GRIN2D: variants seen among roughly 807,000 people sequenced by gnomAD.
GRIN2D encodes the protein glutamate ionotropic receptor NMDA type subunit 2D, also known as glutamate receptor ionotropic, NMDA 2D.
Under a neutral mutation model 103.2 loss-of-function variants are expected in GRIN2D, and 37 were observed. The ratio of observed to expected loss-of-function variants is 0.36; its 90% CI spans 0.28 to 0.47. The LOEUF is 0.47. GRIN2D is among the 20% of genes least tolerant of loss of function. The pLI, the probability that GRIN2D is intolerant of heterozygous loss-of-function variation, is 1.00. For synonymous variants in GRIN2D, 845 were observed against 885.6 expected (o/e 0.95, Z 0.81); for missense variants, 1,557 against 1,910.6 (o/e 0.81, Z 3.45).
intron 11 of GRIN2D, among the ~76,000 whole-genome samples, chr19:48,440,662 C>T (rs1374668431): frequency 6.6e-6 from 1 of 151,546 alleles, no homozygotes; most frequent in African/African-American, 2.4e-5. Flanking sequence ...TGATCATTCA[C>T]TTGCATTATT....
intron 10 of GRIN2D, among the ~76,000 whole-genome samples, chr19:48,420,995 A>C (rs1481022454): frequency 6.6e-6 from 1 of 152,186 alleles, no homozygotes; most frequent in Non-Finnish European, 1.5e-5. Context: ...TTTGAGACTA[A>C]AGTGATTAAC....
intron 4 of GRIN2D, among the ~76,000 whole-genome samples, chr19:48,406,392 A>G (rs1970792783): frequency 6.6e-6 from 1 of 152,232 alleles, no homozygotes; most frequent in Non-Finnish European, 1.5e-5. Flanking sequence ...CACGGTAGGA[A>G]GCTCTGGGAG....
At chr19:48,399,806 C>A (rs1257024238) in intron 3 of GRIN2D, among the ~76,000 whole-genome samples, 1 of 129,806 alleles carries the variant, frequency 7.7e-6, no homozygotes, top group Non-Finnish European at 1.5e-5. Context: ...AACCAGGAAG[C>A]AAGGAATTGA....
chr19:48,431,850 G>A lies in GRIN2D; in HGVS notation c.2252+9905G>A, dbSNP rs1175029703. 1.1e-4 allele frequency among the ~76,000 whole-genome samples: 16 copies of A among 152,080 alleles called. 1 individual carries two copies. Among genetic ancestry groups the A allele is most frequent in the Admixed American group, 1.0e-3 (16 of 15,250 alleles). ...TCCACCCGCCCCAGCCTCCCAAAGT[G>A]CTGGGATTATAGGTGTGTGCCACCG... is the stretch of plus-strand genomic sequence containing the variant. On this transcript the variant is annotated intron_variant, in intron 11 of 13. Transcript: ENST00000263269.
chr19:48,428,522 C>T (rs1971117064), intron 11 of GRIN2D, among the ~76,000 whole-genome samples: 1 of 151,966 alleles, frequency 6.6e-6, no homozygotes, highest in Non-Finnish European at 1.5e-5. Flanking sequence ...GCCACCAAGC[C>T]CCGCTAATTT....
At chr19:48,396,791 G>A (rs1441787420) in intron 2 of GRIN2D, among the ~76,000 whole-genome samples, 9 of 152,060 alleles carry the variant, frequency 5.9e-5, no homozygotes, top group Admixed American at 5.2e-4. Context: ...CTGGCTGTCT[G>A]TGGGGTGGAC....
chr19:48,435,118 A>G (rs920242604), intron 11 of GRIN2D, among the ~76,000 whole-genome samples: 14 of 152,212 alleles, frequency 9.2e-5, no homozygotes, highest in South Asian at 4.1e-4. Flanking sequence ...CACAACAGAA[A>G]TGTATCGCCC....
Position 48,404,952 on chromosome 19 carries a change from C to G in GRIN2D, c.684C>G (p.Gly228=). 1 of 1,612,348 alleles carries G rather than the reference C, an allele frequency of 6.2e-7. No homozygotes were observed. Among genetic ancestry groups the G allele is most frequent in the East Asian group, 2.2e-5 (1 of 44,874 alleles). The change falls in exon 4 of 14, where the codon GGC becomes GGG. Residue 228 remains glycine (G), a synonymous_variant. Coordinates refer to ENST00000263269, the MANE Select transcript of GRIN2D (RefSeq NM_000836.4). The part of the protein sequence containing the change: ...RGALTLDPGA[G]EAVLSAQLRS... ...CGCTGACGCTGGACCCTGGGGCGGGCGAGGCCGTGCTCAGTGCCCAGCTCC... is the reference window on the plus strand; with the variant it reads ...CGCTGACGCTGGACCCTGGGGCGGGGGAGGCCGTGCTCAGTGCCCAGCTCC...
Position 48,442,598 on chromosome 19 carries a change from A to G in GRIN2D, c.2674-2A>G. ...ACCCCCGTCCTGTCCCCGGACCCGC[A>G]GGGCATGTACAGCTGCTGCAGCGCT... On this transcript the variant is annotated splice_acceptor_variant, in intron 13 of 13. Transcript: ENST00000263269. LOFTEE classifies it high-confidence loss of function. The surrounding 1 kb of genome is among the most constrained non-coding windows in gnomAD (Gnocchi z 7.2). 1 of 1,505,208 alleles carries G rather than the reference A, an allele frequency of 6.6e-7. No individual in the cohort carries two copies. Among genetic ancestry groups the G allele is most frequent in the African/African-American group, 1.4e-5 (1 of 72,234 alleles). The allele number at this position is 1,505,208 out of a possible 1,614,324, so 93.2% of individuals were successfully genotyped here.
chr19:48,408,491 C>T (rs1020083315), intron 4 of GRIN2D, among the ~76,000 whole-genome samples: 4 of 151,242 alleles, frequency 2.6e-5, no homozygotes, highest in South Asian at 4.2e-4. Flanking sequence ...AAAGTGAGAC[C>T]CTGTCTCTAA....
chr19:48,402,609 C>T (rs1447016005), intron 3 of GRIN2D, among the ~76,000 whole-genome samples: 3 of 146,300 alleles, frequency 2.1e-5, no homozygotes, highest in East Asian at 2.1e-4. Flanking sequence ...CCCAGCTACT[C>T]GGGAGGCTGA....
intron 11 of GRIN2D, among the ~76,000 whole-genome samples, chr19:48,426,189 T>A (rs1486599759): frequency 6.6e-6 from 1 of 151,824 alleles, no homozygotes; most frequent in South Asian, 2.1e-4. Context: ...GCTTTTTTTC[T>A]TTTCTCTTCT....
intron 11 of GRIN2D, among the ~76,000 whole-genome samples, chr19:48,424,460 C>T (rs866426526): frequency 4.7e-5 from 7 of 150,228 alleles, no homozygotes; most frequent in Non-Finnish European, 8.9e-5. Context: ...TTAATAGAGA[C>T]GGGGTTTCAC....
chr19:48,443,361 C>A lies in GRIN2D; in HGVS notation c.3435C>A (p.Leu1145=). 1.3e-6 allele frequency: 2 copies of A among 1,503,288 alleles called. No individual in the cohort carries two copies. Among genetic ancestry groups the A allele is most frequent in the Admixed American group, 2.1e-5 (1 of 47,150 alleles). 93.1% of individuals were successfully genotyped at this position (1,503,288 alleles called of 1,614,324 possible). ...TCCCTTACCCGTATGCCGAGCGCCT[C>A]GGGCCGCCGCCCGGCCGCTACTGGT... ...ADFPYPYAER[L]GPPPGRYWSV... The change falls in exon 14 of 14, where the codon CTC becomes CTA. Residue 1145 remains leucine (L), a synonymous_variant. Transcript: ENST00000263269. The surrounding 1 kb of genome is among the most constrained non-coding windows in gnomAD (Gnocchi z 8.9).
chr19:48,443,064 C>T lies in GRIN2D; in HGVS notation c.3138C>T (p.Cys1046=), dbSNP rs1235613126. The T allele has an allele frequency of 2.9e-6, 3 of 1,044,358 alleles. No individual in the cohort carries two copies. Among genetic ancestry groups the T allele is most frequent in the Non-Finnish European group, 3.5e-6 (3 of 869,090 alleles). The allele number at this position is 1,044,358 out of a possible 1,614,324, so 64.7% of individuals were successfully genotyped here. Residue 1046 remains cysteine, a synonymous_variant, in exon 14 of 14, where the codon TGC becomes TGT. Transcript: ENST00000263269. The surrounding 1 kb of genome is among the most constrained non-coding windows in gnomAD (Gnocchi z 8.9). ...CCACCGCCGTCGGGCCGCCACTCTG[C>T]CGCTTGGCCTTCGAGGACGAGAGCC... The part of the protein sequence containing the change: ...AAATAVGPPL[C]RLAFEDESPP...
rs1398277352 is a variant in GRIN2D, at chr19:48,414,396, G to A, written c.1224G>A (p.Thr408=). The A allele has an allele frequency of 1.2e-6, 2 of 1,608,078 alleles. No homozygotes were observed. The highest frequency in any genetic ancestry group is 8.5e-7 in the Non-Finnish European group (1 of 1,178,020). Reference sequence around the variant, plus strand: ...AGGTGGGCAGCTGGGAGCAGCAGACGCTCCGCCTCAAGTACCCGCTGTGGT... The same window carrying A: ...AGGTGGGCAGCTGGGAGCAGCAGACACTCCGCCTCAAGTACCCGCTGTGGT... The part of the protein sequence containing the change: ...WEVVGSWEQQ[T]LRLKYPLWSR... The change falls in exon 6 of 14, where the codon ACG becomes ACA. Residue 408 remains threonine (T), a synonymous_variant. Coordinates refer to ENST00000263269, the MANE Select transcript of GRIN2D (RefSeq NM_000836.4). The surrounding 1 kb of genome is among the most constrained non-coding windows in gnomAD (Gnocchi z 4.6).
chr19:48,416,706 G>A (rs1356650846), intron 8 of GRIN2D, among the ~76,000 whole-genome samples: 1 of 151,550 alleles, frequency 6.6e-6, no homozygotes, highest in Non-Finnish European at 1.5e-5. Context: ...GCCTTGTGAA[G>A]GAGGCAGAAG....
chr19:48,424,789 G>A (rs909710808), intron 11 of GRIN2D, among the ~76,000 whole-genome samples: 5 of 152,054 alleles, frequency 3.3e-5, no homozygotes, highest in South Asian at 2.1e-4. Context: ...GCACTGGACC[G>A]CCCAGGTCGA....
intron 11 of GRIN2D, among the ~76,000 whole-genome samples, chr19:48,437,401 T>A (rs1335562391): frequency 6.6e-6 from 1 of 152,180 alleles, no homozygotes; most frequent in Non-Finnish European, 1.5e-5. Flanking sequence ...ATGACAGGCA[T>A]GAGCCAGGGC....
Sources: allele counts gnomAD v4.1 joint callset (sites outside exome capture counted in the v4.1 genomes callset), GRCh38; gene constraint gnomAD v4.1.1; non-coding constraint Gnocchi (gnomAD v3.1); transcripts MANE v1.5; gene names NCBI Gene and HGNC (gene_info 2026-07-23, HGNC 2026-07-21).